The following CDH20 variants were observed in gnomAD, a reference collection of about 807,000 sequenced individuals.
The protein encoded by CDH20 is cadherin-20.
In CDH20, 29 loss-of-function variants were observed where a neutral mutation model predicts 74.2. The observed-to-expected ratio is 0.39, with a 90% CI of 0.29 to 0.53. The LOEUF is 0.53. Ranked by LOEUF, CDH20 falls within the 20% of genes least tolerant of loss-of-function variation. The pLI is 0.69. For synonymous variants in CDH20, 469 were observed against 405.4 expected, an observed-to-expected ratio of 1.16 and a Z score of -1.88; for missense variants, 988 against 1,048.3, an observed-to-expected ratio of 0.94 and a Z score of 0.79.
At chr18:61,479,710 T>C (rs954707278) in intron 1 of CDH20, among the ~76,000 whole-genome samples, 6 of 152,136 alleles carry the variant, frequency 3.9e-5, no homozygotes, top group African/African-American at 1.4e-4. Flanking sequence ...CTATCAATAA[T>C]TTATCCAAAT....
intron 1 of CDH20, among the ~76,000 whole-genome samples, chr18:61,363,467 A>G (rs1373337018): frequency 6.6e-6 from 1 of 152,240 alleles, no homozygotes; most frequent in Non-Finnish European, 1.5e-5. Context: ...GATAAGAACT[A>G]AGACTAAACA....
At chr18:61,480,621 C>A (rs951240410) in intron 1 of CDH20, among the ~76,000 whole-genome samples, 2 of 152,152 alleles carry the variant, frequency 1.3e-5, no homozygotes, top group African/African-American at 2.4e-5. Flanking sequence ...GGGATGACTT[C>A]GAATAGGATG....
chr18:61,396,405 C>CTT (rs138701800), intron 1 of CDH20, among the ~76,000 whole-genome samples: 62 of 151,192 alleles, frequency 4.1e-4, no homozygotes, highest in African/African-American at 1.4e-3. Flanking sequence ...CCTGTTCATC[C>CTT]TTTTTTTTTA....
chr18:61,347,539 CAAA>C (rs944774674), intron 1 of CDH20, among the ~76,000 whole-genome samples: 6 of 146,154 alleles, frequency 4.1e-5, no homozygotes, highest in African/African-American at 1.6e-4. Context: ...AACAAACAAA[CAAA>C]AAAAAAACCA....
chr18:61,468,200 A>G (rs1293587775), intron 1 of CDH20, among the ~76,000 whole-genome samples: 1 of 152,180 alleles, frequency 6.6e-6, no homozygotes, highest in African/African-American at 2.4e-5. Flanking sequence ...TGATCCAATC[A>G]CCAGCGTCAA....
At chr18:61,515,920 A>G (rs957701760) in intron 6 of CDH20, among the ~76,000 whole-genome samples, 2 of 102,316 alleles carry the variant, frequency 2.0e-5, no homozygotes, top group Admixed American at 2.4e-4. Flanking sequence ...CTAAAACTTA[A>G]AGTATAATAA....
chr18:61,505,193 G>A lies in CDH20; in HGVS notation c.829+2073G>A, dbSNP rs183755818. Among the ~76,000 whole-genome samples, 29 of 152,246 alleles carry A rather than the reference G, an allele frequency of 1.9e-4. No homozygotes were observed. In the Middle Eastern group the frequency reaches 0.014, roughly 71 times the overall value. ...GACAGTAGAACCAGCTAATTACATA[G>A]CTCAGGTTATTACATAGCTCAAAGG... On this transcript the variant is annotated intron_variant, in intron 5 of 11. Coordinates refer to ENST00000262717, the MANE Select transcript of CDH20 (RefSeq NM_031891.4).
intron 7 of CDH20, among the ~76,000 whole-genome samples, chr18:61,529,920 T>C (rs1427511859): frequency 6.6e-6 from 1 of 152,134 alleles, no homozygotes; most frequent in Non-Finnish European, 1.5e-5. Context: ...TTGGAGTGTC[T>C]GGCTACCCCA....
intron 1 of CDH20, among the ~76,000 whole-genome samples, chr18:61,432,298 C>T (rs954446568): frequency 6.6e-6 from 1 of 151,564 alleles, no homozygotes; most frequent in African/African-American, 2.4e-5. Context: ...CCCTACTGTG[C>T]CACGGCACTG....
At position 61,333,657 on chromosome 18, in the gene CDH20, A is replaced by G. The variant is rs1242903559; in HGVS notation, c.-323A>G. 2.5e-5 allele frequency: 3 copies of G among 117,870 alleles called. No homozygotes were observed. The highest frequency in any genetic ancestry group is 9.8e-5 in the African/African-American group (3 of 30,732). 7.3% of individuals were successfully genotyped at this position (117,870 alleles called of 1,614,324 possible). A position where few individuals can be genotyped will look rare whatever the true frequency, so the allele number is the denominator to read the frequency against. ...CATCCGAAGGCAGAAAAGCTGTGACACTTCTGACAGAGGGGGTAGGGGGGT... is the reference window on the plus strand; with the variant it reads ...CATCCGAAGGCAGAAAAGCTGTGACGCTTCTGACAGAGGGGGTAGGGGGGT... On this transcript the variant is annotated 5_prime_UTR_variant, in exon 1 of 12. Transcript: ENST00000262717.
intron 1 of CDH20, among the ~76,000 whole-genome samples, chr18:61,361,077 C>T (rs1910676139): frequency 6.6e-6 from 1 of 152,172 alleles, no homozygotes; most frequent in African/African-American, 2.4e-5. Context: ...GATTATTTTT[C>T]TGAACATATG....
At chr18:61,462,212 G>A (rs1419706367) in intron 1 of CDH20, among the ~76,000 whole-genome samples, 4 of 152,132 alleles carry the variant, frequency 2.6e-5, no homozygotes, top group Non-Finnish European at 5.9e-5. Context: ...AGAAGACTGT[G>A]AGGTGATGGA....
intron 1 of CDH20, among the ~76,000 whole-genome samples, chr18:61,364,901 T>C (rs1211604520): frequency 3.9e-5 from 6 of 152,204 alleles, no homozygotes; most frequent in Admixed American, 3.3e-4. Flanking sequence ...AAATGAGTCA[T>C]TCTAAATAGC....
intron 1 of CDH20, among the ~76,000 whole-genome samples, chr18:61,446,977 C>G (rs919858528): frequency 1.3e-5 from 2 of 152,150 alleles, no homozygotes; most frequent in African/African-American, 4.8e-5. Flanking sequence ...TTGCAATATC[C>G]AACGTTTTTC....
chr18:61,428,398 A>G (rs146123213), intron 1 of CDH20, among the ~76,000 whole-genome samples: 167 of 152,290 alleles, frequency 1.1e-3, no homozygotes, highest in African/African-American at 3.9e-3. Context: ...TCCCTGGAAC[A>G]TCATGGGCCA....
chr18:61,469,759 A>G (rs561497742), intron 1 of CDH20, among the ~76,000 whole-genome samples: 22 of 152,350 alleles, frequency 1.4e-4, no homozygotes, highest in Admixed American at 7.2e-4. Context: ...TATATACATT[A>G]TCATTTCCAG....
intron 1 of CDH20, among the ~76,000 whole-genome samples, chr18:61,418,139 G>A (rs954377919): frequency 3.9e-5 from 6 of 152,142 alleles, no homozygotes; most frequent in South Asian, 2.1e-4. Flanking sequence ...AATCTTGCCC[G>A]TTGAATAGAA....
chr18:61,497,104 AAAGAAAG>A (rs1568164378), intron 2 of CDH20, among the ~76,000 whole-genome samples: 88 of 133,574 alleles, frequency 6.6e-4, no homozygotes, highest in African/African-American at 2.0e-3. Context: ...AAAAAAAAAG[AAAGAAAG>A]AAAGAAAGAA....
At chr18:61,515,023 T>C (rs1473275683) in intron 6 of CDH20, among the ~76,000 whole-genome samples, 1 of 152,052 alleles carries the variant, frequency 6.6e-6, no homozygotes, top group Admixed American at 6.5e-5. Flanking sequence ...TGTGGTGGGC[T>C]CCACCCAGTT....
Sources: gnomAD v4.1 joint callset for allele counts (sites outside exome capture counted in the v4.1 genomes callset) on GRCh38, gnomAD v4.1.1 for gene constraint, MANE v1.5 for transcripts, NCBI Gene and HGNC (gene_info 2026-07-23, HGNC 2026-07-21) for gene names.